Variants in RAPGEF2 observed in about 807,000 individuals in gnomAD.
RAPGEF2 encodes PDZ domain containing guanine nucleotide exchange factor (GEF) 1.
In RAPGEF2, 54 loss-of-function variants were observed where a neutral mutation model predicts 186.7. The ratio of observed to expected loss-of-function variants is 0.29; its 90% CI spans 0.23 to 0.36. RAPGEF2 has a LOEUF of 0.36. Among genes scored for constraint, RAPGEF2 ranks in the 10% least tolerant of loss-of-function variants. The probability of loss-of-function intolerance (pLI) is 1.00; values close to 1 mark genes in which losing one functional copy is unlikely to be tolerated. For synonymous variants in RAPGEF2, 712 were observed against 705.9 expected, an observed-to-expected ratio of 1.01 and a Z score of -0.14; for missense variants, 1,532 against 2,045.0, an observed-to-expected ratio of 0.75 and a Z score of 4.84.
intron 22 of RAPGEF2, among the ~76,000 whole-genome samples, chr4:159,343,750 A>C (rs1010463266): frequency 6.6e-6 from 1 of 152,236 alleles, no homozygotes; most frequent in African/African-American, 2.4e-5. Flanking sequence ...GTCTTGTCTC[A>C]ATATCCACAC....
In RAPGEF2 at chr4:159,236,625, A is replaced by G. The variant is rs538309000; in HGVS notation, c.282-2184A>G. ...AAAAACGCATAAACATTAGACCACT[A>G]TATTTATAAACTTGTCCAAGTCTGT... On this transcript the variant is annotated intron_variant, in intron 4 of 29. Transcript: ENST00000691494. Among the ~76,000 whole-genome samples the G allele has an allele frequency of 1.5e-4, 20 of 136,630 alleles. No individual in the cohort carries two copies. In the South Asian group the frequency reaches 4.5e-3, roughly 31 times the overall value. The allele number at this position is 136,630 out of a possible 152,430, so 89.6% of individuals were successfully genotyped here.
At chr4:159,224,089 G>A (rs1019115094) in intron 4 of RAPGEF2, among the ~76,000 whole-genome samples, 1 of 152,030 alleles carries the variant, frequency 6.6e-6, no homozygotes, top group Non-Finnish European at 1.5e-5. Flanking sequence ...TGTAAAGATG[G>A]GGTTTTGCCA....
At chr4:159,324,813 A>G (rs774819133) in intron 11 of RAPGEF2, among the ~76,000 whole-genome samples, 2 of 152,182 alleles carry the variant, frequency 1.3e-5, no homozygotes, top group Non-Finnish European at 2.9e-5. Context: ...GGCAACCACT[A>G]TATTACAGAG....
intron 1 of RAPGEF2, among the ~76,000 whole-genome samples, chr4:159,107,179 G>A (rs940308974): frequency 6.6e-6 from 1 of 152,054 alleles, no homozygotes; most frequent in African/African-American, 2.4e-5. Flanking sequence ...AAAATAATGA[G>A]CCCTGAAAAC....
At chr4:159,313,052 G>T (rs1046613876) in intron 8 of RAPGEF2, among the ~76,000 whole-genome samples, 2 of 152,126 alleles carry the variant, frequency 1.3e-5, no homozygotes, top group Non-Finnish European at 2.9e-5. Context: ...GGAGGCTGAG[G>T]CATGAGAATC....
At chr4:159,333,607 G>A (rs1766996011) in intron 17 of RAPGEF2, among the ~76,000 whole-genome samples, 1 of 152,144 alleles carries the variant, frequency 6.6e-6, no homozygotes, top group Non-Finnish European at 1.5e-5. Flanking sequence ...TATGCCAGGA[G>A]CTCAGCCAGG....
intron 9 of RAPGEF2, among the ~76,000 whole-genome samples, chr4:159,316,241 T>G (rs1025318884): frequency 7.2e-5 from 11 of 152,220 alleles, no homozygotes; most frequent in Non-Finnish European, 1.6e-4. Context: ...GTTATGATTA[T>G]AGAACGAGGA....
At chr4:159,355,496 G>T (rs72701211) in intron 28 of RAPGEF2, among the ~76,000 whole-genome samples, 1 of 152,282 alleles carries the variant, frequency 6.6e-6, no homozygotes, top group Non-Finnish European at 1.5e-5. Flanking sequence ...GTGTACTTAG[G>T]TTCTTCCTGT....
At chr4:159,308,455 T>C (rs1763567653) in intron 8 of RAPGEF2, among the ~76,000 whole-genome samples, 1 of 152,212 alleles carries the variant, frequency 6.6e-6, no homozygotes, top group Non-Finnish European at 1.5e-5. Flanking sequence ...CTGGTTCAAC[T>C]TCCAAATTTG....
intron 7 of RAPGEF2, among the ~76,000 whole-genome samples, chr4:159,247,937 T>G (rs1754846313): frequency 6.6e-6 from 1 of 151,888 alleles, no homozygotes; most frequent in African/African-American, 2.4e-5. Flanking sequence ...TAATTTTGTA[T>G]TTTTAGTAGA....
At chr4:159,309,421 G>A (rs1485818841) in intron 8 of RAPGEF2, among the ~76,000 whole-genome samples, 2 of 152,122 alleles carry the variant, frequency 1.3e-5, no homozygotes, top group African/African-American at 2.4e-5. Flanking sequence ...TTCCCCTAGA[G>A]CCTAGCACAG....
chr4:159,146,031 T>C (rs946858700), intron 1 of RAPGEF2, among the ~76,000 whole-genome samples: 2 of 151,962 alleles, frequency 1.3e-5, no homozygotes, highest in Non-Finnish European at 2.9e-5. Flanking sequence ...TGTAACAGTA[T>C]CTTTTTTTTT....
chr4:159,178,041 C>T (rs1304837195), intron 1 of RAPGEF2, among the ~76,000 whole-genome samples: 1 of 152,158 alleles, frequency 6.6e-6, no homozygotes, highest in Non-Finnish European at 1.5e-5. Flanking sequence ...CTCCATAGGC[C>T]TGCTAATTAT....
intron 4 of RAPGEF2, 109 bp from the exon 5 acceptor site, chr4:159,238,699 TG>T: frequency 1.6e-6 from 1 of 639,926 alleles, no homozygotes; most frequent in South Asian, 3.5e-5. Context: ...GTGTACTTTT[TG>T]TAATTGTTTT....
At chr4:159,141,900 C>T (rs1222933633) in intron 1 of RAPGEF2, among the ~76,000 whole-genome samples, 2 of 152,072 alleles carry the variant, frequency 1.3e-5, no homozygotes, top group African/African-American at 2.4e-5. Context: ...GAGACAGGCT[C>T]AACAAACAAA....
Position 159,262,490 on chromosome 4 carries a change from G to C in RAPGEF2, c.543+18699G>C, listed in dbSNP as rs1225445296. Among the ~76,000 whole-genome samples the C allele has an allele frequency of 3.3e-5, 5 of 152,154 alleles. No homozygotes were observed. The East Asian group carries it at 7.7e-4, about 23-fold the overall frequency. On this transcript the variant is annotated intron_variant, in intron 7 of 29. Transcript: ENST00000691494. ...TCAAGGACTCCACCTCTGAAACCTT[G>C]AGCAGAGGTTTGTAAGTGAAGTCTG...
At chr4:159,348,486 T>A (rs939598384) in intron 25 of RAPGEF2, among the ~76,000 whole-genome samples, 2 of 152,128 alleles carry the variant, frequency 1.3e-5, no homozygotes, top group African/African-American at 4.8e-5. Context: ...GGGGAGAGAA[T>A]AAGAAAAGAA....
At chr4:159,154,518 T>TA (rs200664622) in intron 1 of RAPGEF2, among the ~76,000 whole-genome samples, 1,545 of 141,600 alleles carry the variant, frequency 0.011, 12 homozygotes, top group Middle Eastern at 0.038. Flanking sequence ...TTTTTTTTTT[T>TA]TAAAAAAAAC....
chr4:159,189,110 C>A (rs1028189537), intron 2 of RAPGEF2, among the ~76,000 whole-genome samples: 16 of 152,098 alleles, frequency 1.1e-4, no homozygotes, highest in African/African-American at 3.6e-4. Context: ...TAATTTTATA[C>A]CCTGGGAATA....
Sources: allele counts gnomAD v4.1 joint callset (sites outside exome capture counted in the v4.1 genomes callset), GRCh38; gene constraint gnomAD v4.1.1; transcripts MANE v1.5; gene names NCBI Gene and HGNC (gene_info 2026-07-23, HGNC 2026-07-21).